Variants in SRCAP observed in about 807,000 individuals in gnomAD.
SRCAP encodes Snf2 related CREBBP activator protein, also known as chromatin remodeling protein SRCAP.
In SRCAP, 46 loss-of-function variants were observed where a neutral mutation model predicts 263.1. That is an observed-to-expected ratio of 0.17 (90% CI 0.14 to 0.22). The LOEUF is 0.22. SRCAP is among the 10% of genes least tolerant of loss of function. The pLI is 1.00. For missense variants in SRCAP, 3,695 were observed against 4,181.9 expected (o/e 0.88, Z 3.21); for synonymous variants, 1,813 against 1,662.1 (o/e 1.09, Z -2.21).
rs1219184584 is a variant in SRCAP at position 30,722,280 on chromosome 16, C to T, written c.3700C>T (p.Leu1234=). The T allele has an allele frequency of 1.9e-6, 3 of 1,613,464 alleles. No individual in the cohort carries two copies. Among genetic ancestry groups the T allele is most frequent in the Non-Finnish European group, 2.5e-6 (3 of 1,179,764 alleles). ...GCTTGCTGTGGGGCAGCCCCGCCCG[C>T]TGCAAAGTAGGTAAAACCCACCCCC... ...RQLAVGQPRP[L]QRNVVHLVSA... The change falls in exon 22 of 34, where the codon CTG becomes TTG. Residue 1234 remains leucine (L), a synonymous_variant. Transcript: ENST00000262518.
At chr16:30,717,582 G>A (rs2052964005) in intron 18 of SRCAP, among the ~76,000 whole-genome samples, 1 of 147,084 alleles carries the variant, frequency 6.8e-6, no homozygotes, top group Non-Finnish European at 1.5e-5. Flanking sequence ...AACTAGCTGG[G>A]ACCACGGGTA....
intron 9 of SRCAP, 52 bp from the exon 10 acceptor site, chr16:30,710,940 ACTGTGTC>A: frequency 6.3e-7 from 1 of 1,598,304 alleles, no homozygotes. Flanking sequence ...TTTCATTTGG[ACTGTGTC>A]CTGTGCCTCT....
At position 30,733,889 on chromosome 16, in the gene SRCAP, C is replaced by A. The variant is rs189024516; in HGVS notation, c.6495-5C>A. ...TGCTTACACACGGCCTTCATCACCC[C>A]CTAGGCTTATCAGTGAACGGACAGT... On this transcript the variant is annotated splice_polypyrimidine_tract_variant and splice_region_variant and intron_variant, in intron 29 of 33. Transcript: ENST00000262518. The surrounding 1 kb of genome is among the most constrained non-coding windows in gnomAD (Gnocchi z 5.3). The A allele has an allele frequency of 6.8e-6, 11 of 1,613,848 alleles. No homozygotes were observed. The highest frequency in any genetic ancestry group is 1.1e-5 in the South Asian group (1 of 91,070).
At position 30,710,758 on chromosome 16, in the gene SRCAP, A is replaced by G; in HGVS notation, c.1139A>G (p.Lys380Arg). 1 of 1,614,174 alleles carries G rather than the reference A, an allele frequency of 6.2e-7. No individual in the cohort carries two copies. The highest frequency in any genetic ancestry group is 8.5e-7 in the Non-Finnish European group (1 of 1,180,024). ...TTTTTATCTTTTGCCATACAGATAAAGCCCCCACCCTCTGCTGTCACACAG... is the reference window on the plus strand; with the variant it reads ...TTTTTATCTTTTGCCATACAGATAAGGCCCCCACCCTCTGCTGTCACACAG... ...EEEPPQVLEI[K>R]PPPSAVTQRN... Residue 380 changes from lysine to arginine, a missense_variant, in exon 9 of 34, where the codon AAG becomes AGG. Lys to Arg is a conservative substitution (Grantham distance 26). Transcript: ENST00000262518.
intron 16 of SRCAP, among the ~76,000 whole-genome samples, chr16:30,715,250 T>C (rs564683979): frequency 1.3e-5 from 2 of 152,348 alleles, no homozygotes; most frequent in East Asian, 3.9e-4. Context: ...TCAATCACTA[T>C]CATTCGGTAA....
chr16:30,704,233 G>A lies in SRCAP; in HGVS notation c.224G>A (p.Ser75Asn). The change falls in exon 4 of 34, where the codon AGC (serine) becomes AAC (asparagine). Residue 75 changes from serine (S) to asparagine (N), a missense_variant. This residue lies in a region of SRCAP where 122 missense variants were observed against 116.9 expected (regional missense o/e 1.04). Transcript: ENST00000262518. Reference sequence around the variant, plus strand: ...GCCACAGTGCCCCTGGAGGGGTTCAGCTTATCCCAGGCTGCTGACCTGGCT... The same window carrying A: ...GCCACAGTGCCCCTGGAGGGGTTCAACTTATCCCAGGCTGCTGACCTGGCT... ...DGATVPLEGF[S>N]LSQAADLANK... is the part of the protein sequence containing the mutation. 3 of 1,614,190 alleles carry A rather than the reference G, an allele frequency of 1.9e-6. No homozygotes were observed. The highest frequency in any genetic ancestry group is 2.5e-6 in the Non-Finnish European group (3 of 1,180,026).
chr16:30,736,231 T>C lies in SRCAP; in HGVS notation c.6761T>C (p.Ile2254Thr). 1 of 1,614,120 alleles carries C rather than the reference T, an allele frequency of 6.2e-7. No individual in the cohort carries two copies. Among genetic ancestry groups the C allele is most frequent in the Non-Finnish European group, 8.5e-7 (1 of 1,180,032 alleles). The change falls in exon 32 of 34, where the codon ATC (isoleucine) becomes ACC (threonine). Residue 2254 changes from isoleucine (I) to threonine (T), a missense_variant. By Grantham distance (89) the Ile-to-Thr change is moderately conservative (BLOSUM62 -1). This residue lies in a region of SRCAP where 91 missense variants were observed against 150.6 expected (regional missense o/e 0.60). Transcript: ENST00000262518. ...ALCRAEDEED[I>T]RAATQAKAEQ... The stretch of plus-strand genomic sequence containing the variant: ...TGTCGGGCAGAAGATGAAGAGGATA[T>C]CCGTGCAGCCACCCAGGCCAAGGCT...
intron 18 of SRCAP, among the ~76,000 whole-genome samples, chr16:30,718,792 A>G (rs923314965): frequency 7.2e-5 from 11 of 151,976 alleles, no homozygotes; most frequent in Non-Finnish European, 1.6e-4. Context: ...ATTTTGATGT[A>G]GTTCAATTTA....
intron 4 of SRCAP, 105 bp downstream of exon 4, chr16:30,704,420 G>C (rs2052803669): frequency 7.1e-7 from 1 of 1,409,796 alleles, no homozygotes; most frequent in Non-Finnish European, 9.6e-7. Context: ...CATGGATTTA[G>C]GGTATAGGTT....
At chr16:30,714,468 G>A (rs1018509841) in intron 16 of SRCAP, among the ~76,000 whole-genome samples, 3 of 145,384 alleles carry the variant, frequency 2.1e-5, no homozygotes, top group Admixed American at 7.0e-5. Context: ...CTCGGCCTCC[G>A]AAAATCCTGG....
intron 25 of SRCAP, chr16:30,725,390 T>C (rs549555363): frequency 1.6e-4 from 53 of 339,270 alleles, no homozygotes; most frequent in Non-Finnish European, 2.6e-4. Flanking sequence ...GTCCCTTTTA[T>C]GATTTCCGGT....
intron 25 of SRCAP, 119 bp from the exon 26 acceptor site, chr16:30,728,847 C>A: frequency 2.5e-6 from 3 of 1,212,724 alleles, no homozygotes; most frequent in African/African-American, 1.5e-5. Flanking sequence ...CTACAAAAAG[C>A]ATAGTGTATT....
At chr16:30,731,554 G>GA (rs1310952763) in intron 27 of SRCAP, among the ~76,000 whole-genome samples, 3 of 152,202 alleles carry the variant, frequency 2.0e-5, no homozygotes, top group Non-Finnish European at 4.4e-5. Flanking sequence ...CAGAGTAGAT[G>GA]AACTGAAAGT....
At chr16:30,720,074 C>T (rs1270397039) in intron 18 of SRCAP, 88 bp from the exon 19 acceptor site, 5 of 1,445,944 alleles carry the variant, frequency 3.5e-6, no homozygotes, top group Non-Finnish European at 4.7e-6. Flanking sequence ...TGTTAATTCA[C>T]TTAAGGATAA....
intron 31 of SRCAP, among the ~76,000 whole-genome samples, chr16:30,735,136 A>ATTTTT (rs10532453): frequency 9.4e-6 from 1 of 106,508 alleles, no homozygotes; most frequent in African/African-American, 4.4e-5. Flanking sequence ...AGTACAAAGC[A>ATTTTT]TTTTTTTTTT....
At chr16:30,710,669 C>A in intron 8 of SRCAP, 85 bp from the exon 9 acceptor site, 3 of 1,349,370 alleles carry the variant, frequency 2.2e-6, no homozygotes, top group Non-Finnish European at 3.2e-6. Context: ...GACAGTGATT[C>A]TCCTGTGACA....
At chr16:30,722,461 A>C in intron 22 of SRCAP, 102 bp from the exon 23 acceptor site, 2 of 1,514,036 alleles carry the variant, frequency 1.3e-6, no homozygotes, top group South Asian at 2.5e-5. Context: ...CATTCTAGAG[A>C]ATGTATTCCC....
chr16:30,723,029 G>T lies in SRCAP; in HGVS notation c.3959G>T (p.Gly1320Val). 6.2e-7 allele frequency: 1 copy of T among 1,614,072 alleles called. No homozygotes were observed. Among genetic ancestry groups the T allele is most frequent in the South Asian group, 1.1e-5 (1 of 91,058 alleles). The change falls in exon 24 of 34, where the codon GGA (glycine) becomes GTA (valine). Residue 1320 changes from glycine to valine, a missense_variant. Coordinates refer to ENST00000262518, the MANE Select transcript of SRCAP (RefSeq NM_006662.3). ...KIVVRQAPRD[G>V]LTPVPPLAPA... ...GTAGTGAGACAAGCCCCTCGGGATG[G>T]ACTGACTCCTGTTCCTCCATTGGCC...
At chr16:30,711,468 C>T (rs2052890251) in intron 10 of SRCAP, 103 bp from the exon 11 acceptor site, 1 of 1,239,130 alleles carries the variant, frequency 8.1e-7, no homozygotes, top group Admixed American at 2.6e-5. Flanking sequence ...AGACCTGGGC[C>T]TAGCAGTATC....
Sources: allele counts gnomAD v4.1 joint callset (sites outside exome capture counted in the v4.1 genomes callset), GRCh38; gene constraint gnomAD v4.1.1; regional missense constraint gnomAD v4.1.1; non-coding constraint Gnocchi (gnomAD v3.1); transcripts MANE v1.5; gene names NCBI Gene and HGNC (gene_info 2026-07-23, HGNC 2026-07-21).